The following CBFA2T3 variants were observed in gnomAD, a reference collection of about 807,000 sequenced individuals.
CBFA2T3 encodes the protein CBFA2/RUNX1 partner transcriptional co-repressor 3, also known as transcriptional corepressor CBFA2T3.
Under a neutral mutation model 58.6 loss-of-function variants are expected in CBFA2T3, and 31 were observed. That is an observed-to-expected ratio of 0.53 (90% CI 0.40 to 0.71). CBFA2T3 has a LOEUF of 0.71. CBFA2T3 is among the 30% of genes least tolerant of loss of function. CBFA2T3 has a pLI of 0.00. For missense variants in CBFA2T3, 1,076 were observed against 963.1 expected (o/e 1.12, Z -1.55); for synonymous variants, 531 against 421.9 (o/e 1.26, Z -3.17).
chr16:88,951,389 A>T (rs1451626425), intron 1 of CBFA2T3: 1 of 452,908 alleles, frequency 2.2e-6, no homozygotes, highest in Non-Finnish European at 4.5e-6. Flanking sequence ...TTATCATACA[A>T]TTCTTTGAGA....
intron 8 of CBFA2T3, 84 bp from the exon 9 acceptor site, chr16:88,881,573 C>G (rs2272435): frequency 5.7e-6 from 8 of 1,414,588 alleles, no homozygotes; most frequent in Non-Finnish European, 6.7e-6. Context: ...GCCAGAGCCC[C>G]GGACAGGATG....
chr16:88,877,955 G>C lies in CBFA2T3; in HGVS notation c.1663-680C>G, dbSNP rs1375716604. On this transcript the variant is annotated intron_variant, in intron 11 of 11. Transcript: ENST00000268679. ...GGGGAGAAGCCCAGGTCCCTATTTGGCCTCCAAAGCCTCTGGTACCACCTC... is the reference window on the plus strand; with the variant it reads ...GGGGAGAAGCCCAGGTCCCTATTTGCCCTCCAAAGCCTCTGGTACCACCTC... 2.6e-5 allele frequency among the ~76,000 whole-genome samples: 4 copies of C among 152,186 alleles called. No individual in the cohort carries two copies. In the East Asian group the frequency reaches 7.7e-4, roughly 29 times the overall value.
At chr16:88,914,226 C>T (rs1173408367) in intron 1 of CBFA2T3, among the ~76,000 whole-genome samples, 1 of 152,206 alleles carries the variant, frequency 6.6e-6, no homozygotes, top group Non-Finnish European at 1.5e-5. Flanking sequence ...CAGAATCAGG[C>T]AGCAACACTC....
chr16:88,939,599 C>T (rs1681169439), intron 1 of CBFA2T3: 1 of 152,350 alleles, frequency 6.6e-6, no homozygotes, highest in African/African-American at 2.4e-5. Flanking sequence ...GAACAGGACC[C>T]TCCCGGCAGC....
chr16:88,879,768 C>G (rs1968991651), intron 10 of CBFA2T3: 2 of 351,566 alleles, frequency 5.7e-6, no homozygotes, highest in Non-Finnish European at 1.0e-5. Flanking sequence ...AGCTTGCACT[C>G]TACCGCAGCG....
At chr16:88,901,840 C>T (rs1419795540) in intron 1 of CBFA2T3, among the ~76,000 whole-genome samples, 184 bp from the exon 2 acceptor site, 5 of 152,254 alleles carry the variant, frequency 3.3e-5, no homozygotes, top group Non-Finnish European at 4.4e-5. Context: ...AGAACCAGGC[C>T]GGAGGACGGG....
rs561706248 is a variant in CBFA2T3 at position 88,966,190 on chromosome 16, C to G, written c.151+10467G>C. On this transcript the variant is annotated intron_variant, in intron 1 of 11. Transcript: ENST00000268679. The stretch of plus-strand genomic sequence containing the variant: ...CTCTGCTCACTGGCCTGCACAGTCC[C>G]AGGACTTCCCCGACCTGAGTCACAG... 2.6e-4 allele frequency among the ~76,000 whole-genome samples: 40 copies of G among 152,352 alleles called. No homozygotes were observed. In the South Asian group the frequency reaches 8.1e-3, roughly 31 times the overall value.
At chr16:88,970,394 T>G (rs1972620851) in intron 1 of CBFA2T3, among the ~76,000 whole-genome samples, 1 of 152,130 alleles carries the variant, frequency 6.6e-6, no homozygotes, top group Non-Finnish European at 1.5e-5. Flanking sequence ...GTGGGGTCCC[T>G]CTCCTGAGAT....
At chr16:88,949,115 A>C (rs1000524993) in intron 1 of CBFA2T3, among the ~76,000 whole-genome samples, 5 of 152,254 alleles carry the variant, frequency 3.3e-5, no homozygotes, top group Non-Finnish European at 7.3e-5. Context: ...TGAAAGGATT[A>C]GGAGAAAAAA....
chr16:88,944,819 G>C (rs573851005), intron 1 of CBFA2T3, among the ~76,000 whole-genome samples: 5 of 152,270 alleles, frequency 3.3e-5, no homozygotes, highest in Non-Finnish European at 7.3e-5. Context: ...GCAGGCGCTA[G>C]GCCCTCTCAT....
At chr16:88,967,707 G>T (rs1260630549) in intron 1 of CBFA2T3, among the ~76,000 whole-genome samples, 1 of 152,202 alleles carries the variant, frequency 6.6e-6, no homozygotes, top group Non-Finnish European at 1.5e-5. Flanking sequence ...GGCTTCTCCT[G>T]GGGGGTTAAA....
intron 1 of CBFA2T3, among the ~76,000 whole-genome samples, chr16:88,967,693 A>C (rs1180105250): frequency 6.6e-6 from 1 of 152,118 alleles, no homozygotes; most frequent in Non-Finnish European, 1.5e-5. Context: ...GGCTCCCGCG[A>C]CCTGGCTTCT....
At chr16:88,892,651 G>C (rs1969690498) in intron 3 of CBFA2T3, among the ~76,000 whole-genome samples, 166 bp from the exon 4 acceptor site, 1 of 152,164 alleles carries the variant, frequency 6.6e-6, no homozygotes, top group African/African-American at 2.4e-5. Flanking sequence ...AGGAGCCCTG[G>C]GCCCGCCCAG....
intron 1 of CBFA2T3, among the ~76,000 whole-genome samples, chr16:88,918,840 G>A (rs574802575): frequency 2.6e-4 from 40 of 152,348 alleles, no homozygotes; most frequent in Non-Finnish European, 4.3e-4. Context: ...GAGAGAGGTC[G>A]GAGCTGCAGG....
At chr16:88,917,486 C>T (rs1405524949) in intron 1 of CBFA2T3, among the ~76,000 whole-genome samples, 4 of 152,192 alleles carry the variant, frequency 2.6e-5, no homozygotes, top group Non-Finnish European at 5.9e-5. Flanking sequence ...TCTGGAAACC[C>T]CTGGAAACCT....
intron 1 of CBFA2T3, among the ~76,000 whole-genome samples, chr16:88,948,261 A>G (rs1006239928): frequency 4.6e-5 from 7 of 152,362 alleles, no homozygotes; most frequent in African/African-American, 1.2e-4. Flanking sequence ...ATTCTGTTTC[A>G]TGCAAAGACA....
rs147175284 is a variant in CBFA2T3, at chr16:88,927,320, G to A, written c.152-25664C>T. ...TTCCCCAGGCAGCACTGATGCCCCC[G>A]CTGAGGTGAGGCCGCTGGGCCCCAT... On this transcript the variant is annotated intron_variant, in intron 1 of 11. Transcript: ENST00000268679. 5.2e-3 allele frequency among the ~76,000 whole-genome samples: 789 copies of A among 152,332 alleles called. 6 individuals are homozygous for A. The highest frequency in any genetic ancestry group is 0.018 in the African/African-American group (743 of 41,574).
intron 1 of CBFA2T3, among the ~76,000 whole-genome samples, chr16:88,929,261 C>G (rs1355169064): frequency 2.8e-5 from 4 of 142,092 alleles, no homozygotes; most frequent in Admixed American, 2.1e-4. Context: ...CGCCCCTGAA[C>G]CAGCCCGTGA....
At chr16:88,913,523 T>G (rs1407569937) in intron 1 of CBFA2T3, among the ~76,000 whole-genome samples, 6 of 152,200 alleles carry the variant, frequency 3.9e-5, no homozygotes, top group Non-Finnish European at 8.8e-5. Context: ...ATTTCACAGC[T>G]GGTGAGAGGG....
Sources: gnomAD v4.1 joint callset for allele counts (sites outside exome capture counted in the v4.1 genomes callset) on GRCh38, gnomAD v4.1.1 for gene constraint, MANE v1.5 for transcripts, NCBI Gene and HGNC (gene_info 2026-07-23, HGNC 2026-07-21) for gene names.